USP47: variants seen among roughly 807,000 people sequenced by gnomAD.
The protein encoded by USP47 is ubiquitin carboxyl-terminal hydrolase 47.
In USP47, 35 loss-of-function variants were observed where a neutral mutation model predicts 165.1. The ratio of observed to expected loss-of-function variants is 0.21; its 90% confidence interval spans 0.16 to 0.28. USP47 has a LOEUF of 0.28. USP47 is among the 10% of genes least tolerant of loss of function. The pLI is 1.00. For synonymous variants in USP47, 531 were observed against 544.5 expected, an observed-to-expected ratio of 0.98 and a Z score of 0.35; for missense variants, 1,277 against 1,607.4, an observed-to-expected ratio of 0.79 and a Z score of 3.52.
intron 1 of USP47, among the ~76,000 whole-genome samples, chr11:11,878,390 T>A (rs1036295609): frequency 6.6e-6 from 1 of 152,204 alleles, no homozygotes; most frequent in Non-Finnish European, 1.5e-5. Flanking sequence ...AGTATACTAT[T>A]GAATCTATAA....
chr11:11,847,266 G>T (rs1338201145), intron 1 of USP47, among the ~76,000 whole-genome samples: 1 of 150,846 alleles, frequency 6.6e-6, no homozygotes, highest in East Asian at 1.9e-4. Flanking sequence ...AGTTTTGGGG[G>T]TATTTACATA....
intron 18 of USP47, among the ~76,000 whole-genome samples, chr11:11,939,778 G>A (rs1485937649): frequency 1.3e-5 from 2 of 151,918 alleles, no homozygotes; most frequent in Admixed American, 6.6e-5. Flanking sequence ...AAAACATCAT[G>A]TAAACAAATA....
chr11:11,845,294 C>T (rs145219707), intron 1 of USP47, among the ~76,000 whole-genome samples: 5 of 152,252 alleles, frequency 3.3e-5, no homozygotes, highest in Non-Finnish European at 5.9e-5. Flanking sequence ...ACAGGTTTCT[C>T]TCTAACTTGC....
At chr11:11,933,196 TGGGTTGATTCTG>T in intron 15 of USP47, 80 bp downstream of exon 15, 1 of 1,112,064 alleles carries the variant, frequency 9.0e-7, no homozygotes, top group Non-Finnish European at 1.3e-6. Context: ...ACTAACTCAT[TGGGTTGATTCTG>T]AGACAATTAT....
chr11:11,891,691 G>T (rs965838586), intron 3 of USP47, among the ~76,000 whole-genome samples: 2 of 152,166 alleles, frequency 1.3e-5, no homozygotes, highest in African/African-American at 4.8e-5. Flanking sequence ...TCCCCTATGT[G>T]CTAGGCCTAC....
At chr11:11,950,116 G>C in intron 23 of USP47, 112 bp downstream of exon 23, 1 of 830,694 alleles carries the variant, frequency 1.2e-6, no homozygotes, top group South Asian at 1.9e-5. Context: ...GTGCTATTCA[G>C]AATTTTAGTA....
chr11:11,905,315 A>T, intron 7 of USP47, 84 bp from the exon 8 acceptor site: 1 of 972,086 alleles, frequency 1.0e-6, no homozygotes. Context: ...TCCTTTTGTA[A>T]ACCATTCTAA....
chr11:11,885,335 A>G (rs576104744), intron 3 of USP47, among the ~76,000 whole-genome samples: 1 of 152,290 alleles, frequency 6.6e-6, no homozygotes, highest in Non-Finnish European at 1.5e-5. Flanking sequence ...GAAATATCCA[A>G]GTTCTCGCAC....
chr11:11,913,523 T>C (rs191299468), intron 8 of USP47, among the ~76,000 whole-genome samples: 4 of 152,006 alleles, frequency 2.6e-5, no homozygotes, highest in South Asian at 2.1e-4. Context: ...AAGACAGATA[T>C]TACATGTTCT....
At chr11:11,946,618 G>A (rs956452875) in intron 20 of USP47, among the ~76,000 whole-genome samples, 5 of 152,052 alleles carry the variant, frequency 3.3e-5, no homozygotes, top group African/African-American at 4.8e-5. Context: ...TTTCTAATCC[G>A]GTAATTTTTG....
rs987383080 is a variant in USP47, at chr11:11,960,114, G to T, written c.*3939G>T. On this transcript the variant is annotated 3_prime_UTR_variant, in exon 28 of 28. Transcript: ENST00000527733. ...AATCCTGTGACTTTTAAGTCATTTT[G>T]CATTATTAAGACAATCTTATCTTAA... is the stretch of plus-strand genomic sequence containing the variant. 6.6e-6 allele frequency among the ~76,000 whole-genome samples: 1 copy of T among 152,068 alleles called. No homozygotes were observed. Among genetic ancestry groups the T allele is most frequent in the East Asian group, 1.9e-4 (1 of 5,192 alleles).
chr11:11,924,573 T>G (rs1432524608), intron 11 of USP47, among the ~76,000 whole-genome samples: 1 of 152,158 alleles, frequency 6.6e-6, no homozygotes, highest in Admixed American at 6.5e-5. Context: ...CCAGAGAAAT[T>G]ATCTGGGCCT....
intron 1 of USP47, among the ~76,000 whole-genome samples, chr11:11,877,434 T>C (rs915531754): frequency 1.3e-5 from 2 of 152,116 alleles, no homozygotes; most frequent in African/African-American, 4.8e-5. Flanking sequence ...TTTATCTGTT[T>C]AAATCATCCA....
chr11:11,933,071 A>G lies in USP47; in HGVS notation c.1719A>G (p.Glu573=). 1 of 1,613,484 alleles carries G rather than the reference A, an allele frequency of 6.2e-7. No individual in the cohort carries two copies. The highest frequency in any genetic ancestry group is 8.5e-7 in the Non-Finnish European group (1 of 1,179,648). ...KNLVQKEREL[E]EQEKRQREIE... The stretch of plus-strand genomic sequence containing the variant: ...TGGTGCAGAAAGAGAGAGAGTTGGA[A>G]GAACAAGAAAAGAGACAACGAGAAA... Residue 573 remains glutamate, a synonymous_variant, in exon 15 of 28, where the codon GAA becomes GAG. Transcript: ENST00000527733.
At chr11:11,865,478 A>G (rs887136243) in intron 1 of USP47, among the ~76,000 whole-genome samples, 2 of 150,984 alleles carry the variant, frequency 1.3e-5, no homozygotes, top group Admixed American at 6.6e-5. Flanking sequence ...TCTGTTATTT[A>G]TTTGCTGAGA....
chr11:11,878,197 C>A (rs982407033), intron 1 of USP47, among the ~76,000 whole-genome samples: 2 of 152,110 alleles, frequency 1.3e-5, no homozygotes, highest in Non-Finnish European at 2.9e-5. Context: ...TAATGTCTGA[C>A]CATATGATGT....
Position 11,936,381 on chromosome 11 carries a change from C to T in USP47, c.1948C>T (p.Arg650Trp), listed in dbSNP as rs753811395. ...KYDEFHDYLERSYEGEEDTPM... is the reference protein window; with the variant it reads ...KYDEFHDYLEWSYEGEEDTPM... ...TGATGAGTTTCATGATTATCTAGAA[C>T]GGTCATATGAAGGAGAAGAAGATAC... Residue 650 changes from arginine to tryptophan, a missense_variant, in exon 17 of 28, where the codon CGG (arginine) becomes TGG (tryptophan). Around this residue, in one of 4 missense-constraint regions of USP47, gnomAD observed 909 missense variants for 1,068.1 expected, o/e 0.85. Transcript: ENST00000527733. 33 of 1,609,608 alleles carry T rather than the reference C, an allele frequency of 2.1e-5. No homozygotes were observed. Among genetic ancestry groups the T allele is most frequent in the Admixed American group, 1.7e-4 (10 of 59,734 alleles).
At position 11,956,436 on chromosome 11, in the gene USP47, T is replaced by C. The variant is rs1300618738; in HGVS notation, c.*261T>C. 6.7e-6 allele frequency: 2 copies of C among 298,334 alleles called. No homozygotes were observed. The highest frequency in any genetic ancestry group is 1.2e-5 in the Non-Finnish European group (2 of 162,222). The allele number at this position is 298,334 out of a possible 1,614,324, so 18.5% of individuals were successfully genotyped here. A position where few individuals can be genotyped will look rare whatever the true frequency, so the allele number is the denominator to read the frequency against. ...AATAAAAAAAAACAACAAAAAAAGC[T>C]AACCTTCTATTAGAAAAGGGGACAG... On this transcript the variant is annotated 3_prime_UTR_variant, in exon 28 of 28. Transcript: ENST00000527733.
intron 1 of USP47, among the ~76,000 whole-genome samples, chr11:11,879,875 A>C (rs1850718546): frequency 6.6e-6 from 1 of 152,252 alleles, no homozygotes; most frequent in African/African-American, 2.4e-5. Flanking sequence ...AAATATTACT[A>C]TCTTCATGGC....
Sources: allele counts gnomAD v4.1 joint callset (sites outside exome capture counted in the v4.1 genomes callset), GRCh38; gene constraint gnomAD v4.1.1; regional missense constraint gnomAD v4.1.1; transcripts MANE v1.5; gene names NCBI Gene and HGNC (gene_info 2026-07-23, HGNC 2026-07-21).